The following TSPAN7 variants were observed in gnomAD, a reference collection of about 807,000 sequenced individuals.
TSPAN7 encodes tetraspanin-7.
TSPAN7 carries 1 observed loss-of-function variant against 17.6 expected under a neutral mutation model. That is an observed-to-expected ratio of 0.06 (90% CI 0.02 to 0.27). TSPAN7 has a LOEUF of 0.27. TSPAN7 is among the 10% of genes least tolerant of loss of function. The pLI is 1.00. For missense variants in TSPAN7, 112 were observed against 201.7 expected (o/e 0.56, Z 2.69); for synonymous variants, 78 against 79.0 (o/e 0.99, Z 0.07).
intron 2 of TSPAN7, among the ~76,000 whole-genome samples, chrX:38,669,649 C>T (rs759153686): frequency 1.4e-3 from 162 of 112,140 alleles, no homozygotes; most frequent in Non-Finnish European, 2.7e-3. Context: ...CTGATGAGAG[C>T]GGAAGTCACT....
chrX:38,637,911 C>T (rs968694256), intron 1 of TSPAN7, among the ~76,000 whole-genome samples: 10 of 111,756 alleles, frequency 8.9e-5, no homozygotes, highest in Non-Finnish European at 1.9e-5. Flanking sequence ...TATTAGTGTA[C>T]GCTATAGGCC....
intron 1 of TSPAN7, among the ~76,000 whole-genome samples, chrX:38,626,852 A>G (rs2069525577): frequency 9.0e-6 from 1 of 110,904 alleles, no homozygotes; most frequent in Non-Finnish European, 1.9e-5. Context: ...AGGTGGCTCT[A>G]ATGGTCTTGG....
chrX:38,594,174 T>A (rs1479089320), intron 1 of TSPAN7, among the ~76,000 whole-genome samples: 1 of 112,047 alleles, frequency 8.9e-6, no homozygotes, highest in Non-Finnish European at 1.9e-5. Context: ...GGGTACTGTT[T>A]TTTTGTTTGT....
intron 5 of TSPAN7, among the ~76,000 whole-genome samples, chrX:38,679,093 T>C (rs2069873680): frequency 8.9e-6 from 1 of 112,359 alleles, no homozygotes; most frequent in Non-Finnish European, 1.9e-5. Flanking sequence ...TGGTTTCTCC[T>C]ACTGGTTGGA....
rs1569313270 is a variant in TSPAN7 at position 38,659,031 on chromosome X, CA to C, written c.82-7089del. ...ACACACACACACACACACACACACA[CA>C]CACACACCCACAGACGTACACATGT... On this transcript the variant is annotated intron_variant, in intron 1 of 7. Coordinates refer to ENST00000378482, the MANE Select transcript of TSPAN7 (RefSeq NM_004615.4). Among the ~76,000 whole-genome samples the C allele has an allele frequency of 1.2e-3, 100 of 81,009 alleles. 1 individual carries two copies. The highest frequency in any genetic ancestry group is 4.0e-3 in the African/African-American group (95 of 23,771). 70.3% of individuals were successfully genotyped at this position (81,009 alleles called of 115,157 possible).
In TSPAN7 at chrX:38,675,742, G is replaced by T; in HGVS notation, c.479G>T (p.Ser160Ile). The part of the protein sequence containing the change: ...CCGVQNYTNW[S>I]TSPYFLEHGI... Reference sequence around the variant, plus strand: ...GGTGTGCAGAACTACACCAACTGGAGCACCAGCCCCTACTTCCTGGAGCAT... The same window carrying T: ...GGTGTGCAGAACTACACCAACTGGATCACCAGCCCCTACTTCCTGGAGCAT... The change falls in exon 5 of 8, where the codon AGC (serine) becomes ATC (isoleucine). Residue 160 changes from serine (S) to isoleucine (I), a missense_variant. By Grantham distance (142) the Ser-to-Ile change is moderately radical. Coordinates refer to ENST00000378482, the MANE Select transcript of TSPAN7 (RefSeq NM_004615.4). The T allele has an allele frequency of 8.3e-7, 1 of 1,211,124 alleles. No homozygotes were observed. Among genetic ancestry groups the T allele is most frequent in the African/African-American group, 1.7e-5 (1 of 57,576 alleles).
chrX:38,582,564 T>C (rs2069233269), intron 1 of TSPAN7, among the ~76,000 whole-genome samples: 1 of 111,644 alleles, frequency 9.0e-6, no homozygotes. Context: ...TGACCTCCCT[T>C]TGCACGAGGT....
At chrX:38,667,401 A>C (rs1255243828) in intron 2 of TSPAN7, among the ~76,000 whole-genome samples, 3 of 112,566 alleles carry the variant, frequency 2.7e-5, no homozygotes, top group African/African-American at 9.7e-5. Flanking sequence ...TTTTGTTTAA[A>C]AATATTTATT....
intron 1 of TSPAN7, among the ~76,000 whole-genome samples, chrX:38,616,637 G>A (rs2069457518): frequency 8.9e-6 from 1 of 112,103 alleles, no homozygotes; most frequent in Admixed American, 9.4e-5. Flanking sequence ...AACAAAATAA[G>A]GTGGGTTGGA....
intron 1 of TSPAN7, among the ~76,000 whole-genome samples, chrX:38,616,674 G>A (rs757497670): frequency 1.8e-5 from 2 of 112,199 alleles, no homozygotes; most frequent in Admixed American, 1.9e-4. Flanking sequence ...AGTACCCGTT[G>A]CCTGCTATAG....
intron 1 of TSPAN7, among the ~76,000 whole-genome samples, chrX:38,609,999 C>T (rs1166194063): frequency 9.0e-6 from 1 of 110,594 alleles, no homozygotes; most frequent in East Asian, 2.9e-4. Flanking sequence ...AGAGGTAGTA[C>T]AAAAAATCTG....
chrX:38,672,979 A>G (rs762548892), intron 3 of TSPAN7, among the ~76,000 whole-genome samples: 2 of 112,335 alleles, frequency 1.8e-5, no homozygotes, highest in South Asian at 3.8e-4. Context: ...TATTCTGTGT[A>G]CAGTCCCCCA....
At chrX:38,647,014 TG>T (rs1295268840) in intron 1 of TSPAN7, among the ~76,000 whole-genome samples, 1 of 111,825 alleles carries the variant, frequency 8.9e-6, no homozygotes, top group Non-Finnish European at 1.9e-5. Context: ...TCAGTGAGAA[TG>T]AGGGGTACAC....
chrX:38,647,488 C>A, intron 1 of TSPAN7, among the ~76,000 whole-genome samples: 1 of 112,059 alleles, frequency 8.9e-6, no homozygotes, highest in Non-Finnish European at 1.9e-5. Flanking sequence ...AGGTACCAAA[C>A]ATACTATAAA....
intron 1 of TSPAN7, among the ~76,000 whole-genome samples, chrX:38,635,182 C>T (rs2069573340): frequency 8.9e-6 from 1 of 111,743 alleles, no homozygotes; most frequent in African/African-American, 3.3e-5. Context: ...ACTTCTATGA[C>T]ATAACTTCCT....
chrX:38,676,507 A>T (rs529445038), intron 5 of TSPAN7, among the ~76,000 whole-genome samples: 2 of 112,402 alleles, frequency 1.8e-5, no homozygotes, highest in Non-Finnish European at 3.8e-5. Flanking sequence ...TTTACAGAGA[A>T]TACGATGAAG....
At chrX:38,640,525 G>A (rs1430896112) in intron 1 of TSPAN7, among the ~76,000 whole-genome samples, 1 of 111,798 alleles carries the variant, frequency 8.9e-6, no homozygotes, top group Non-Finnish European at 1.9e-5. Context: ...AGCATTTACT[G>A]TTCAAGGAGA....
chrX:38,637,572 CT>C (rs2069587820), intron 1 of TSPAN7, among the ~76,000 whole-genome samples: 1 of 112,338 alleles, frequency 8.9e-6, no homozygotes, highest in Non-Finnish European at 1.9e-5. Context: ...CCCAGTGCCT[CT>C]TGAAACCCAG....
At chrX:38,663,916 G>A (rs2069765958) in intron 1 of TSPAN7, among the ~76,000 whole-genome samples, 2 of 112,579 alleles carry the variant, frequency 1.8e-5, no homozygotes, top group Middle Eastern at 4.6e-3. Context: ...GCAGTTCACG[G>A]AATGCAGCTG....
Sources: allele counts gnomAD v4.1 joint callset (sites outside exome capture counted in the v4.1 genomes callset), GRCh38; gene constraint gnomAD v4.1.1; transcripts MANE v1.5; gene names NCBI Gene and HGNC (gene_info 2026-07-23, HGNC 2026-07-21).